The following DRC11 variants were observed in gnomAD, a reference collection of about 807,000 sequenced individuals.
DRC11 encodes IQ and AAA domain-containing protein 1.
chr2:236,380,553 C>G, the DRC11 span: 2 of 1,547,948 alleles, frequency 1.3e-6, no homozygotes, highest in African/African-American at 1.4e-5. The surrounding 1 kb of genome is among the most constrained non-coding windows in gnomAD (Gnocchi z 4.9). Context: ...CACAACACAA[C>G]GAGTCCATTC....
At chr2:236,389,630 G>A in the DRC11 span, among the ~76,000 whole-genome samples, 2 of 152,180 alleles carry the variant, frequency 1.3e-5, no homozygotes, top group African/African-American at 4.8e-5. Context: ...CTTCTGCGTC[G>A]CTCACACTGG....
At chr2:236,353,497 A>G in the DRC11 span, among the ~76,000 whole-genome samples, 2 of 152,126 alleles carry the variant, frequency 1.3e-5, no homozygotes, top group African/African-American at 4.8e-5. The surrounding 1 kb of genome is among the most constrained non-coding windows in gnomAD (Gnocchi z 5.0). Context: ...TTCGGCATGC[A>G]TGGGTTATGA....
chr2:236,431,837 A>G, the DRC11 span, among the ~76,000 whole-genome samples: 1 of 152,210 alleles, frequency 6.6e-6, no homozygotes, highest in Admixed American at 6.5e-5. The surrounding 1 kb of genome is among the most constrained non-coding windows in gnomAD (Gnocchi z 4.2). Flanking sequence ...CCCAGTTGAT[A>G]TGTATTTAAG....
chr2:236,384,785 T>C, the DRC11 span, among the ~76,000 whole-genome samples: 1 of 151,864 alleles, frequency 6.6e-6, no homozygotes, highest in African/African-American at 2.4e-5. Flanking sequence ...AGGGTTTTTA[T>C]GGTTTTAGGT....
the DRC11 span, among the ~76,000 whole-genome samples, chr2:236,411,914 G>T: frequency 9.2e-6 from 1 of 108,580 alleles, no homozygotes; most frequent in Non-Finnish European, 1.8e-5. Context: ...GGGGAGGGGG[G>T]AGGGATAGCA....
the DRC11 span, among the ~76,000 whole-genome samples, chr2:236,500,116 G>A: frequency 2.0e-5 from 3 of 150,330 alleles, no homozygotes; most frequent in Admixed American, 1.3e-4. The surrounding 1 kb of genome is among the most constrained non-coding windows in gnomAD (Gnocchi z 6.3). Context: ...TGATGATGAT[G>A]ATGGCGAAGG....
At chr2:236,404,907 C>A in the DRC11 span, among the ~76,000 whole-genome samples, 16 of 152,174 alleles carry the variant, frequency 1.1e-4, no homozygotes, top group Non-Finnish European at 1.9e-4. Context: ...GTGGGGGCTG[C>A]TCTCTGCTTC....
the DRC11 span, among the ~76,000 whole-genome samples, chr2:236,417,202 C>G: frequency 6.6e-6 from 1 of 152,140 alleles, no homozygotes; most frequent in Admixed American, 6.5e-5. Flanking sequence ...TTGCCTACAT[C>G]GTGCCAGATT....
chr2:236,402,028 A>G, the DRC11 span, among the ~76,000 whole-genome samples: 9 of 152,222 alleles, frequency 5.9e-5, no homozygotes, highest in Admixed American at 5.9e-4. The surrounding 1 kb of genome is among the most constrained non-coding windows in gnomAD (Gnocchi z 6.0). Context: ...CATCGGAATA[A>G]AAGAGGCTGG....
the DRC11 span, chr2:236,497,421 C>G: frequency 6.2e-7 from 1 of 1,613,850 alleles, no homozygotes; most frequent in Non-Finnish European, 8.5e-7. The surrounding 1 kb of genome is among the most constrained non-coding windows in gnomAD (Gnocchi z 5.1). Context: ...CAATCATCTT[C>G]TGAGGCTCTT....
At chr2:236,487,398 C>A in the DRC11 span, among the ~76,000 whole-genome samples, 1 of 152,192 alleles carries the variant, frequency 6.6e-6, no homozygotes, top group South Asian at 2.1e-4. Flanking sequence ...GAGTCCTCAT[C>A]TTCTGGCCTA....
the DRC11 span, among the ~76,000 whole-genome samples, chr2:236,428,135 C>T: frequency 6.6e-6 from 1 of 152,062 alleles, no homozygotes; most frequent in African/African-American, 2.4e-5. Flanking sequence ...TTTGTTAAGG[C>T]TTGTTTTGTG....
chr2:236,362,558 C>G, the DRC11 span, among the ~76,000 whole-genome samples: 1 of 152,102 alleles, frequency 6.6e-6, no homozygotes, highest in African/African-American at 2.4e-5. The surrounding 1 kb of genome is among the most constrained non-coding windows in gnomAD (Gnocchi z 5.7). Flanking sequence ...ACGTGTTATT[C>G]AACTGTTTCT....
the DRC11 span, among the ~76,000 whole-genome samples, chr2:236,451,140 A>G: frequency 6.6e-6 from 1 of 152,048 alleles, no homozygotes; most frequent in African/African-American, 2.4e-5. Context: ...TTAAAAATAC[A>G]TTTTGCCACT....
the DRC11 span, among the ~76,000 whole-genome samples, chr2:236,334,565 A>G: frequency 6.6e-6 from 1 of 152,196 alleles, no homozygotes. The surrounding 1 kb of genome is among the most constrained non-coding windows in gnomAD (Gnocchi z 7.8). Flanking sequence ...TCACATCTTC[A>G]GACCAATCTA....
the DRC11 span, among the ~76,000 whole-genome samples, chr2:236,394,544 T>C: frequency 1.3e-5 from 2 of 151,778 alleles, no homozygotes; most frequent in Non-Finnish European, 2.9e-5. The surrounding 1 kb of genome is among the most constrained non-coding windows in gnomAD (Gnocchi z 7.0). Context: ...GGCAGGAGAA[T>C]TGCTTGAATC....
chr2:236,343,597 A>G, the DRC11 span: 2 of 649,646 alleles, frequency 3.1e-6, no homozygotes, highest in Non-Finnish European at 5.0e-6. This position sits in a 1 kb window ranked among gnomAD's most constrained non-coding sequence, Gnocchi z 6.6. Flanking sequence ...CAGGTTTCTG[A>G]TAACTCCAGG....
chr2:236,478,141 G>A, the DRC11 span, among the ~76,000 whole-genome samples: 2 of 151,876 alleles, frequency 1.3e-5, no homozygotes, highest in South Asian at 2.1e-4. This position sits in a 1 kb window ranked among gnomAD's most constrained non-coding sequence, Gnocchi z 5.9. Flanking sequence ...GCACTATTAG[G>A]TTGTTTGAGC....
chr2:236,501,483 C>T, the DRC11 span, among the ~76,000 whole-genome samples: 44 of 152,268 alleles, frequency 2.9e-4, no homozygotes, highest in Admixed American at 7.2e-4. Flanking sequence ...TCCTGGGACC[C>T]TCTGACATTC....
Sources: gnomAD v4.1 joint callset for allele counts (sites outside exome capture counted in the v4.1 genomes callset) on GRCh38, gnomAD v4.1.1 for gene constraint, Gnocchi (gnomAD v3.1) non-coding constraint, MANE v1.5 for transcripts, NCBI Gene and HGNC (gene_info 2026-07-23, HGNC 2026-07-21) for gene names.